SCFD2: variants seen among roughly 807,000 people sequenced by gnomAD.
The protein encoded by SCFD2 is sec1 family domain-containing protein 2.
Under a neutral mutation model 58.9 loss-of-function variants are expected in SCFD2, and 54 were observed. That is an observed-to-expected ratio of 0.92 (90% CI 0.74 to 1.15). SCFD2 has a LOEUF of 1.15. SCFD2 is among the 50% of genes most tolerant of loss of function. The pLI is 0.00. For missense variants in SCFD2, 805 were observed against 836.6 expected, an observed-to-expected ratio of 0.96 and a Z score of 0.47; for synonymous variants, 321 against 335.9, an observed-to-expected ratio of 0.96 and a Z score of 0.49.
At chr4:52,893,030 A>C (rs1718913799) in intron 7 of SCFD2, among the ~76,000 whole-genome samples, 1 of 152,214 alleles carries the variant, frequency 6.6e-6, no homozygotes, top group Non-Finnish European at 1.5e-5. Context: ...AGAAAAAGAA[A>C]ATATAAACAA....
At chr4:53,126,550 A>C (rs1725634773) in intron 5 of SCFD2, among the ~76,000 whole-genome samples, 1 of 152,200 alleles carries the variant, frequency 6.6e-6, no homozygotes, top group Non-Finnish European at 1.5e-5. Flanking sequence ...TCCTGGCTTT[A>C]AGTGATCTGC....
At chr4:53,213,479 T>C (rs1728691481) in intron 4 of SCFD2, among the ~76,000 whole-genome samples, 1 of 152,128 alleles carries the variant, frequency 6.6e-6, no homozygotes, top group Admixed American at 6.5e-5. Context: ...GTCTACCTGC[T>C]TTCAGTCATG....
At chr4:53,146,201 CT>C (rs11324233) in intron 4 of SCFD2, among the ~76,000 whole-genome samples, 1,756 of 152,160 alleles carry the variant, frequency 0.012, 44 homozygotes, top group African/African-American at 0.04. Flanking sequence ...AAAAAATTGC[CT>C]TTATATCTTC....
intron 4 of SCFD2, among the ~76,000 whole-genome samples, chr4:53,228,519 T>C (rs1473198319): frequency 6.6e-6 from 1 of 152,126 alleles, no homozygotes; most frequent in Non-Finnish European, 1.5e-5. Context: ...CGTTAAGATA[T>C]TTTCTATATC....
At chr4:52,988,002 T>A (rs1324103719) in intron 5 of SCFD2, among the ~76,000 whole-genome samples, 1 of 151,918 alleles carries the variant, frequency 6.6e-6, no homozygotes, top group Non-Finnish European at 1.5e-5. Flanking sequence ...GATCAGAGAG[T>A]GTGACACCAG....
At chr4:52,938,803 C>T (rs762047219) in intron 5 of SCFD2, among the ~76,000 whole-genome samples, 11 of 152,172 alleles carry the variant, frequency 7.2e-5, no homozygotes, top group Non-Finnish European at 1.3e-4. Context: ...CATTGTGTTT[C>T]AAAGTCAACT....
At chr4:53,032,329 A>C (rs1722635846) in intron 5 of SCFD2, among the ~76,000 whole-genome samples, 1 of 152,214 alleles carries the variant, frequency 6.6e-6, no homozygotes, top group Non-Finnish European at 1.5e-5. Flanking sequence ...CAGCCACTGC[A>C]AAAACATACC....
chr4:52,880,701 C>G (rs1419528970), intron 8 of SCFD2, among the ~76,000 whole-genome samples: 1 of 152,174 alleles, frequency 6.6e-6, no homozygotes, highest in Non-Finnish European at 1.5e-5. Flanking sequence ...GTGGGTGCGG[C>G]AAGCACGTGC....
chr4:53,301,996 T>C (rs1230548108), intron 3 of SCFD2, among the ~76,000 whole-genome samples: 2 of 152,180 alleles, frequency 1.3e-5, no homozygotes, highest in East Asian at 3.9e-4. Flanking sequence ...GCCAGTATCA[T>C]ACTGAATAGG....
chr4:53,113,295 C>T (rs1369757442), intron 5 of SCFD2, among the ~76,000 whole-genome samples: 4 of 152,082 alleles, frequency 2.6e-5, no homozygotes, highest in East Asian at 1.9e-4. Context: ...ATAACCCTTA[C>T]TTTGGCCAAT....
At chr4:53,098,290 G>GGT (rs1177865279) in intron 5 of SCFD2, among the ~76,000 whole-genome samples, 6 of 152,194 alleles carry the variant, frequency 3.9e-5, no homozygotes. Context: ...CAGAAGGAAT[G>GGT]GTACCAGCTC....
At chr4:53,123,001 G>T (rs1472155691) in intron 5 of SCFD2, among the ~76,000 whole-genome samples, 1 of 151,662 alleles carries the variant, frequency 6.6e-6, no homozygotes, top group Non-Finnish European at 1.5e-5. Context: ...AGATTATTTG[G>T]AATATACGTA....
chr4:53,251,154 A>C (rs1258541914), intron 4 of SCFD2, among the ~76,000 whole-genome samples: 1 of 152,228 alleles, frequency 6.6e-6, no homozygotes, highest in Non-Finnish European at 1.5e-5. Context: ...AAATTCCTCG[A>C]CACATACACT....
At chr4:52,891,178 T>C (rs902029244) in intron 7 of SCFD2, among the ~76,000 whole-genome samples, 7 of 152,126 alleles carry the variant, frequency 4.6e-5, no homozygotes, top group Admixed American at 3.9e-4. Flanking sequence ...TCACATCTCA[T>C]GTTTCATTCA....
intron 5 of SCFD2, among the ~76,000 whole-genome samples, chr4:53,005,310 G>A (rs1488298062): frequency 6.6e-6 from 1 of 152,186 alleles, no homozygotes; most frequent in Non-Finnish European, 1.5e-5. Context: ...AAAGTTGCAA[G>A]GAGAGTAAAC....
At position 53,313,677 on chromosome 4, in the gene SCFD2, T is replaced by A; in HGVS notation, c.1094A>T (p.Glu365Val). The change falls in exon 3 of 9, where the codon GAA becomes GTA. Residue 365 changes from glutamate (E) to valine (V), a missense_variant. By Grantham distance (121) the Glu-to-Val change is moderately radical. Transcript: ENST00000401642. The part of the protein sequence containing the change: ...AVMEVRRHLV[E>V]AASRENLPIK... ...TGGCAGGTTTTCTCTGCTTGCCGCTTCCACTAGATGTCTCCGAACTTCCAT... is the reference window on the plus strand; with the variant it reads ...TGGCAGGTTTTCTCTGCTTGCCGCTACCACTAGATGTCTCCGAACTTCCAT... The A allele has an allele frequency of 6.2e-7, 1 of 1,614,092 alleles. No individual in the cohort carries two copies. The highest frequency in any genetic ancestry group is 1.1e-5 in the South Asian group (1 of 91,080).
At chr4:52,896,423 T>C (rs368425459) in intron 7 of SCFD2, among the ~76,000 whole-genome samples, 6 of 151,134 alleles carry the variant, frequency 4.0e-5, no homozygotes, top group African/African-American at 9.7e-5. Context: ...TAGGGATCCT[T>C]TCCCCATTGC....
chr4:53,250,442 C>T (rs1730319643), intron 4 of SCFD2, among the ~76,000 whole-genome samples: 1 of 152,114 alleles, frequency 6.6e-6, no homozygotes, highest in South Asian at 2.1e-4. Flanking sequence ...AGCTCTGCAC[C>T]AAGCACACCT....
intron 5 of SCFD2, among the ~76,000 whole-genome samples, chr4:52,952,285 C>A (rs1469323492): frequency 7.2e-6 from 1 of 139,762 alleles, no homozygotes; most frequent in Non-Finnish European, 1.6e-5. Flanking sequence ...ACACCCCCAT[C>A]CCCTCTCACA....
Sources: allele counts gnomAD v4.1 joint callset (sites outside exome capture counted in the v4.1 genomes callset), GRCh38; gene constraint gnomAD v4.1.1; transcripts MANE v1.5; gene names NCBI Gene and HGNC (gene_info 2026-07-23, HGNC 2026-07-21).